The following GRWD1 variants were observed in gnomAD, a reference collection of about 807,000 sequenced individuals.
GRWD1 encodes the protein glutamate-rich WD repeat-containing protein 1.
In GRWD1, 29 loss-of-function variants were observed where a neutral mutation model predicts 45.3. The ratio of observed to expected loss-of-function variants is 0.64; its 90% confidence interval spans 0.48 to 0.87. The LOEUF (loss-of-function observed/expected upper bound fraction) is 0.87, where lower values mean the gene tolerates loss of function less well. GRWD1 is among the 40% of genes least tolerant of loss of function. The pLI is 0.00. For synonymous variants in GRWD1, 262 were observed against 257.6 expected (o/e 1.02, Z -0.16); for missense variants, 592 against 618.8 (o/e 0.96, Z 0.46).
In GRWD1 at chr19:48,446,745, G is replaced by A. The variant is rs1306497669; in HGVS notation, c.370G>A (p.Glu124Lys). Residue 124 changes from glutamate to lysine, a missense_variant, in exon 3 of 7, where the codon GAA (glutamate) becomes AAA (lysine). Transcript: ENST00000253237. ...GCCCCCACCCTCAGAGGGCAGTGAT[G>A]AAGAAGAAGAGGAGGAAGATGAAGA... is the stretch of plus-strand genomic sequence containing the variant. Reference protein sequence around the residue: ...TKPPPSEGSDEEEEEEDEEDE... With the variant: ...TKPPPSEGSDKEEEEEDEEDE... 6.8e-7 allele frequency: 1 copy of A among 1,477,200 alleles called. No individual in the cohort carries two copies. The highest frequency in any genetic ancestry group is 2.0e-5 in the Admixed American group (1 of 51,030). 91.5% of individuals were successfully genotyped at this position (1,477,200 alleles called of 1,614,324 possible).
chr19:48,455,425 G>C lies in GRWD1; in HGVS notation c.*2400G>C, dbSNP rs1971527708. 6.6e-6 allele frequency: 1 copy of C among 152,240 alleles called. No individual in the cohort carries two copies. The highest frequency in any genetic ancestry group is 1.5e-5 in the Non-Finnish European group (1 of 68,068). The allele number at this position is 152,240 out of a possible 1,614,324, so 9.4% of individuals were successfully genotyped here. ...CTGGGGGCGGGGCTTCTTGGCCTCA[G>C]ATTAGACAGTGACTTTGACACGAAG... On this transcript the variant is annotated 3_prime_UTR_variant, in exon 7 of 7. Coordinates refer to ENST00000253237, the MANE Select transcript of GRWD1 (RefSeq NM_031485.4).
rs201385782 is a variant in GRWD1 at position 48,452,698 on chromosome 19, C to A, written c.1024-10C>A. 2.5e-4 allele frequency: 380 copies of A among 1,549,358 alleles called. No homozygotes were observed. Among genetic ancestry groups the A allele is most frequent in the Admixed American group, 7.6e-4 (42 of 54,948 alleles). ...ATTCAGAGCCCGTTCCTCCCATCCT[C>A]TCCCTCTAGTCTGGTTCCCCAGTGG... On this transcript the variant is annotated splice_polypyrimidine_tract_variant and intron_variant, in intron 6 of 6. Transcript: ENST00000253237. The surrounding 1 kb of genome is among the most constrained non-coding windows in gnomAD (Gnocchi z 5.1).
intron 6 of GRWD1, 40 bp downstream of exon 6, chr19:48,451,271 G>T (rs544302596): frequency 6.7e-7 from 1 of 1,497,944 alleles, no homozygotes; most frequent in African/African-American, 1.4e-5. Flanking sequence ...AGAGAAGCTT[G>T]CTCCCAGCAG....
At chr19:48,446,600 C>T (rs964668269) in intron 2 of GRWD1, 81 bp from the exon 3 acceptor site, 1 of 1,553,550 alleles carries the variant, frequency 6.4e-7, no homozygotes, top group East Asian at 2.3e-5. Context: ...TCTCGCAGAT[C>T]CAGGAGTCTG....
chr19:48,449,283 G>A (rs1629754), intron 3 of GRWD1, among the ~76,000 whole-genome samples: 121,728 of 152,044 alleles, frequency 0.8, 50,198 homozygotes, highest in Non-Finnish European at 0.91. Context: ...TAGTAGAGGC[G>A]GGGTTTCATC....
In GRWD1 at chr19:48,452,313, G is replaced by A. The variant is rs1464604869; in HGVS notation, c.1024-395G>A. On this transcript the variant is annotated intron_variant, in intron 6 of 6. Transcript: ENST00000253237. This position sits in a 1 kb window ranked among gnomAD's most constrained non-coding sequence, Gnocchi z 5.1. ...GGGTTTCACCATGTTGTTCAGGCTG[G>A]TCTCCAACTCCTGACCTCGGGTGAT... Among the ~76,000 whole-genome samples the A allele has an allele frequency of 2.6e-5, 4 of 151,904 alleles. No homozygotes were observed. Among genetic ancestry groups the A allele is most frequent in the African/African-American group, 7.3e-5 (3 of 41,346 alleles).
chr19:48,447,331 C>A (rs1398206483), intron 3 of GRWD1, among the ~76,000 whole-genome samples: 1 of 152,150 alleles, frequency 6.6e-6, no homozygotes, highest in Non-Finnish European at 1.5e-5. Context: ...ACTGCAACCT[C>A]TGCCTCCCAG....
Position 48,446,047 on chromosome 19 carries a change from G to C in GRWD1, c.42G>C (p.Gly14=), listed in dbSNP as rs1249590005. ...GTCGGCGGCGCACGTGTGAAACCGGGGAACCCATGGAAGCCGAGTCCGGCG... is the reference window on the plus strand; with the variant it reads ...GTCGGCGGCGCACGTGTGAAACCGGCGAACCCATGGAAGCCGAGTCCGGCG... The part of the protein sequence containing the change: ...RKGRRRTCET[G]EPMEAESGDT... Residue 14 remains glycine (G), a synonymous_variant, in exon 1 of 7, where the codon GGG becomes GGC. Transcript: ENST00000253237. 1 of 1,597,434 alleles carries C rather than the reference G, an allele frequency of 6.3e-7. No homozygotes were observed. Among genetic ancestry groups the C allele is most frequent in the Non-Finnish European group, 8.5e-7 (1 of 1,173,476 alleles).
chr19:48,453,172 A>G lies in GRWD1; in HGVS notation c.*147A>G. On this transcript the variant is annotated 3_prime_UTR_variant, in exon 7 of 7. Coordinates refer to ENST00000253237, the MANE Select transcript of GRWD1 (RefSeq NM_031485.4). ...GATTCTGTTTGACGTATTGTTCTCTAGAAGGCCTGGCTCTGATCCAGTGAC... is the reference window on the plus strand; with the variant it reads ...GATTCTGTTTGACGTATTGTTCTCTGGAAGGCCTGGCTCTGATCCAGTGAC... 1.4e-6 allele frequency: 1 copy of G among 713,210 alleles called. No individual in the cohort carries two copies. The highest frequency in any genetic ancestry group is 1.9e-5 in the South Asian group (1 of 51,328). The allele number at this position is 713,210 out of a possible 1,614,324, so 44.2% of individuals were successfully genotyped here. A position where few individuals can be genotyped will look rare whatever the true frequency, so the allele number is the denominator to read the frequency against.
intron 3 of GRWD1, among the ~76,000 whole-genome samples, chr19:48,448,193 T>C (rs1643486): frequency 0.8 from 121,940 of 152,124 alleles, 50,353 homozygotes; most frequent in Non-Finnish European, 0.91. Flanking sequence ...TCAAGTGATC[T>C]GCCCACCTTC....
intron 6 of GRWD1, among the ~76,000 whole-genome samples, chr19:48,451,897 G>A (rs1267695860): frequency 1.3e-5 from 2 of 152,204 alleles, no homozygotes; most frequent in Non-Finnish European, 2.9e-5. Context: ...CCAGCTTGTT[G>A]ACCATTGGAA....
At chr19:48,446,585 C>G in intron 2 of GRWD1, 83 bp downstream of exon 2, 1 of 1,566,482 alleles carries the variant, frequency 6.4e-7, no homozygotes, top group Non-Finnish European at 8.7e-7. Context: ...CTTCCAGTTT[C>G]TGCCTCTCGC....
At position 48,450,844 on chromosome 19, in the gene GRWD1, A is replaced by T. The variant is rs1971466806; in HGVS notation, c.825+36A>T. On this transcript the variant is annotated intron_variant, in intron 5 of 6. Coordinates refer to ENST00000253237, the MANE Select transcript of GRWD1 (RefSeq NM_031485.4). This position sits in a 1 kb window ranked among gnomAD's most constrained non-coding sequence, Gnocchi z 5.1. Reference sequence around the variant, plus strand: ...GTGGGGTTCTGGTCGTTTAGTTCTGATGGATTCTAGGCCAGGGACCTAGAA... The same window carrying T: ...GTGGGGTTCTGGTCGTTTAGTTCTGTTGGATTCTAGGCCAGGGACCTAGAA... 6.3e-7 allele frequency: 1 copy of T among 1,594,476 alleles called. No homozygotes were observed. The highest frequency in any genetic ancestry group is 1.3e-5 in the African/African-American group (1 of 74,424).
rs759300042 is a variant in GRWD1 at position 48,452,822 on chromosome 19, C to T, written c.1138C>T (p.Gln380Ter). 1.2e-6 allele frequency: 2 copies of T among 1,613,728 alleles called. No individual in the cohort carries two copies. The highest frequency in any genetic ancestry group is 8.5e-7 in the Non-Finnish European group (1 of 1,179,756). ...AASGADHQIT[Q>*]WDLAVERDPE... ...CTCGGGTGCAGACCACCAGATCACA[C>T]AGTGGGACCTGGCAGTGGAGCGGGA... Residue 380 changes from glutamine (Q) to a stop codon, truncating the protein, a stop_gained, in exon 7 of 7, where the codon CAG (glutamine) becomes TAG (stop). Coordinates refer to ENST00000253237, the MANE Select transcript of GRWD1 (RefSeq NM_031485.4). LOFTEE classifies it high-confidence loss of function. The surrounding 1 kb of genome is among the most constrained non-coding windows in gnomAD (Gnocchi z 5.1).
rs1971495343 is a variant in GRWD1 at position 48,453,093 on chromosome 19, G to T, written c.*68G>T. ...AAGTCGAATTGGGCTCCCCTGGAAG[G>T]GGTTCATTCAGGTCTGTTGACTGAG... On this transcript the variant is annotated 3_prime_UTR_variant, in exon 7 of 7. Coordinates refer to ENST00000253237, the MANE Select transcript of GRWD1 (RefSeq NM_031485.4). 2.8e-6 allele frequency: 4 copies of T among 1,428,216 alleles called. No homozygotes were observed. Among genetic ancestry groups the T allele is most frequent in the Non-Finnish European group, 9.5e-7 (1 of 1,055,294 alleles). 88.5% of individuals were successfully genotyped at this position (1,428,216 alleles called of 1,614,324 possible). A position where few individuals can be genotyped will look rare whatever the true frequency, so the allele number is the denominator to read the frequency against.
Position 48,453,376 on chromosome 19 carries a change from C to T in GRWD1, c.*351C>T, listed in dbSNP as rs139866158. On this transcript the variant is annotated 3_prime_UTR_variant, in exon 7 of 7. Transcript: ENST00000253237. ...TGTTTGAGACGGAGTCTTGGTCTGT[C>T]GCCCAGGCTGGAGTGCAGTAGCACG... 3.3e-4 allele frequency: 65 copies of T among 195,766 alleles called. No individual in the cohort carries two copies. In the East Asian group the frequency reaches 7.8e-3, roughly 24 times the overall value. The allele number at this position is 195,766 out of a possible 1,614,324, so 12.1% of individuals were successfully genotyped here. A position where few individuals can be genotyped will look rare whatever the true frequency, so the allele number is the denominator to read the frequency against.
At position 48,453,273 on chromosome 19, in the gene GRWD1, T is replaced by C; in HGVS notation, c.*248T>C. ...ACCCAGAGACTTGTGTGGCCTGGTG[T>C]GGCCTGTGTGTCGGATTCCTTCCTG... On this transcript the variant is annotated 3_prime_UTR_variant, in exon 7 of 7. Coordinates refer to ENST00000253237, the MANE Select transcript of GRWD1 (RefSeq NM_031485.4). 2 of 443,982 alleles carry C rather than the reference T, an allele frequency of 4.5e-6. No individual in the cohort carries two copies. The highest frequency in any genetic ancestry group is 3.9e-5 in the Admixed American group (1 of 25,468). The allele number at this position is 443,982 out of a possible 1,614,324, so 27.5% of individuals were successfully genotyped here. A position where few individuals can be genotyped will look rare whatever the true frequency, so the allele number is the denominator to read the frequency against.
Position 48,446,105 on chromosome 19 carries a change from C to G in GRWD1, c.100C>G (p.Leu34Val). The G allele has an allele frequency of 1.9e-6, 3 of 1,594,204 alleles. No individual in the cohort carries two copies. Among genetic ancestry groups the G allele is most frequent in the Non-Finnish European group, 2.6e-6 (3 of 1,173,068 alleles). Residue 34 changes from leucine to valine, a missense_variant, in exon 1 of 7, where the codon CTG becomes GTG. Coordinates refer to ENST00000253237, the MANE Select transcript of GRWD1 (RefSeq NM_031485.4). ...TTCCGAGGGCCCGGCCCAGGTCTAC[C>G]TGCCCGGCCGGGGGCCGCCGCTACG... The part of the protein sequence containing the change: ...TSSEGPAQVY[L>V]PGRGPPLREG...
At position 48,453,277 on chromosome 19, in the gene GRWD1, C is replaced by T. The variant is rs536969729; in HGVS notation, c.*252C>T. 1.6e-5 allele frequency: 7 copies of T among 436,658 alleles called. No individual in the cohort carries two copies. Among genetic ancestry groups the T allele is most frequent in the Non-Finnish European group, 2.9e-5 (7 of 245,264 alleles). The allele number at this position is 436,658 out of a possible 1,614,324, so 27.0% of individuals were successfully genotyped here. On this transcript the variant is annotated 3_prime_UTR_variant, in exon 7 of 7. Transcript: ENST00000253237. ...AGAGACTTGTGTGGCCTGGTGTGGC[C>T]TGTGTGTCGGATTCCTTCCTGTCAG...
Sources: allele counts gnomAD v4.1 joint callset (sites outside exome capture counted in the v4.1 genomes callset), GRCh38; gene constraint gnomAD v4.1.1; non-coding constraint Gnocchi (gnomAD v3.1); transcripts MANE v1.5; gene names NCBI Gene and HGNC (gene_info 2026-07-23, HGNC 2026-07-21).